The following CLEC12B variants were observed in gnomAD, a reference collection of about 807,000 sequenced individuals.
The protein encoded by CLEC12B is C-type lectin domain family 12 member B.
In CLEC12B, 25 loss-of-function variants were observed where a neutral mutation model predicts 36.1. That is an observed-to-expected ratio of 0.69 (90% CI 0.50 to 0.97). The LOEUF (loss-of-function observed/expected upper bound fraction) is 0.97. Among genes scored for constraint, CLEC12B ranks in the 50% least tolerant of loss-of-function variants. The pLI is 0.00. For synonymous variants in CLEC12B, 110 were observed against 108.5 expected (o/e 1.01, Z -0.09); for missense variants, 325 against 318.4 (o/e 1.02, Z -0.16).
chr12:10,017,900 T>C, intron 5 of CLEC12B: 1 of 965,934 alleles, frequency 1.0e-6, no homozygotes, highest in Non-Finnish European at 1.2e-6. Flanking sequence ...TGTATAACTA[T>C]GTGAAAAATT....
chr12:10,014,612 C>A lies in CLEC12B; in HGVS notation c.280C>A (p.Gln94Lys). ...CCAACAGCAGCAGGATAACTTATCCCAGCAACTGGGCAACTCCAACAACTT... is the reference window on the plus strand; with the variant it reads ...CCAACAGCAGCAGGATAACTTATCCAAGCAACTGGGCAACTCCAACAACTT... The part of the protein sequence containing the change: ...TIQQQQDNLS[Q>K]QLGNSNNLSM... Residue 94 changes from glutamine (Q) to lysine (K), a missense_variant, in exon 3 of 6, where the codon CAG (glutamine) becomes AAG (lysine). Physicochemically the swap from Gln to Lys is moderately conservative, Grantham distance 53 (BLOSUM62 1). Coordinates refer to ENST00000338896, the MANE Select transcript of CLEC12B (RefSeq NM_001129998.3). 1.2e-6 allele frequency: 2 copies of A among 1,613,782 alleles called. No individual in the cohort carries two copies.
In CLEC12B at chr12:10,010,789, C is replaced by A. The variant is rs757364464; in HGVS notation, c.30C>A (p.Leu10=). 7.5e-6 allele frequency: 12 copies of A among 1,610,472 alleles called. No individual in the cohort carries two copies. Among genetic ancestry groups the A allele is most frequent in the Admixed American group, 5.0e-5 (3 of 59,992 alleles). MSEEVTYAT[L]TFQDSAGARN... Reference sequence around the variant, plus strand: ...CTGAAGAAGTGACCTACGCGACACTCACATTTCAGGATTCTGCTGGAGCAA... The same window carrying A: ...CTGAAGAAGTGACCTACGCGACACTAACATTTCAGGATTCTGCTGGAGCAA... The change falls in exon 1 of 6, where the codon CTC becomes CTA. Residue 10 remains leucine, a synonymous_variant. Coordinates refer to ENST00000338896, the MANE Select transcript of CLEC12B (RefSeq NM_001129998.3).
intron 5 of CLEC12B, chr12:10,017,561 A>G (rs1305441537): frequency 1.6e-5 from 16 of 985,494 alleles, no homozygotes; most frequent in Non-Finnish European, 1.8e-5. Flanking sequence ...CAGACAAGCC[A>G]GCATGTCAAA....
chr12:10,006,887 CT>C (rs1310858941), upstream of CLEC12B, among the ~76,000 whole-genome samples: 1 of 151,908 alleles, frequency 6.6e-6, no homozygotes, highest in East Asian at 1.9e-4. Flanking sequence ...AACCCCGTCT[CT>C]ACTAAAAATA....
Position 10,015,653 on chromosome 12 carries a change from T to C in CLEC12B, c.606T>C (p.Phe202=), listed in dbSNP as rs1865467026. ...AGCCATTACTCATGTTTTCGTTCTT[T>C]TGGCTGGGATTATCATGGGACTCCT... ...MSQPLLMFSF[F]WLGLSWDSSG... The change falls in exon 5 of 6, where the codon TTT becomes TTC. Residue 202 remains phenylalanine (F), a synonymous_variant. Transcript: ENST00000338896. 1 of 1,613,662 alleles carries C rather than the reference T, an allele frequency of 6.2e-7. No individual in the cohort carries two copies. The highest frequency in any genetic ancestry group is 1.3e-5 in the African/African-American group (1 of 74,900).
chr12:10,006,457 G>GT (rs139343460), upstream of CLEC12B, among the ~76,000 whole-genome samples: 2,585 of 149,106 alleles, frequency 0.017, 30 homozygotes, highest in Middle Eastern at 0.031. Context: ...TCCAGGATAA[G>GT]TTTTTTGTTT....
upstream of CLEC12B, among the ~76,000 whole-genome samples, chr12:10,009,010 G>A (rs1380250706): frequency 6.6e-6 from 1 of 152,092 alleles, no homozygotes; most frequent in East Asian, 1.9e-4. Context: ...ACCGATCAGC[G>A]CTCTGTAAAA....
At position 10,014,608 on chromosome 12, in the gene CLEC12B, A is replaced by G. The variant is rs139130001; in HGVS notation, c.276A>G (p.Leu92=). The stretch of plus-strand genomic sequence containing the variant: ...CCATCCAACAGCAGCAGGATAACTT[A>G]TCCCAGCAACTGGGCAACTCCAACA... ...QKTIQQQQDN[L]SQQLGNSNNL... The change falls in exon 3 of 6, where the codon TTA becomes TTG. Residue 92 remains leucine (L), a synonymous_variant. Transcript: ENST00000338896. 7.4e-6 allele frequency: 12 copies of G among 1,613,758 alleles called. No individual in the cohort carries two copies. Among genetic ancestry groups the G allele is most frequent in the African/African-American group, 1.3e-5 (1 of 74,930 alleles).
intron 2 of CLEC12B, among the ~76,000 whole-genome samples, chr12:10,013,870 A>G (rs1308342834): frequency 1.3e-5 from 2 of 152,226 alleles, no homozygotes; most frequent in Non-Finnish European, 2.9e-5. Context: ...TTAGCAGCCG[A>G]TCTTCTACAA....
At chr12:10,011,502 G>A (rs1186733169) in intron 1 of CLEC12B, among the ~76,000 whole-genome samples, 1 of 152,010 alleles carries the variant, frequency 6.6e-6, no homozygotes, top group Non-Finnish European at 1.5e-5. Flanking sequence ...AAAAACTGAG[G>A]GTGAGAGAAA....
At chr12:10,010,269 G>T (rs1865296055), upstream of CLEC12B, among the ~76,000 whole-genome samples, 1 of 151,792 alleles carries the variant, frequency 6.6e-6, no homozygotes, top group Admixed American at 6.6e-5. Context: ...AGCCAGGTGT[G>T]TGGCACAGCT....
intron 2 of CLEC12B, 64 bp from the exon 3 acceptor site, chr12:10,014,459 G>C (rs566200429): frequency 8.7e-7 from 1 of 1,155,944 alleles, no homozygotes; most frequent in Non-Finnish European, 1.3e-6. Context: ...TTTCTGTCAC[G>C]AGAATTATCT....
intron 5 of CLEC12B, chr12:10,017,712 A>G: frequency 1.1e-6 from 1 of 920,000 alleles, no homozygotes; most frequent in Non-Finnish European, 1.3e-6. Context: ...TTAGAAAAAA[A>G]CAATGTTGGG....
intron 1 of CLEC12B, 49 bp from the exon 2 acceptor site, chr12:10,012,736 C>A: frequency 7.0e-7 from 1 of 1,425,018 alleles, no homozygotes; most frequent in Non-Finnish European, 9.8e-7. Context: ...CAAAGTGAAA[C>A]AAGCACAAAG....
intron 1 of CLEC12B, among the ~76,000 whole-genome samples, chr12:10,012,357 A>C (rs1349693511): frequency 3.3e-5 from 5 of 152,298 alleles, no homozygotes; most frequent in African/African-American, 1.2e-4. Context: ...AAAAGTGGGC[A>C]ATGATGTAAA....
upstream of CLEC12B, among the ~76,000 whole-genome samples, chr12:10,008,193 G>A (rs1865253182): frequency 6.6e-6 from 1 of 152,214 alleles, no homozygotes; most frequent in African/African-American, 2.4e-5. Context: ...TGGCTGTTAA[G>A]TACCTGAAGT....
At chr12:10,017,137 G>C in intron 5 of CLEC12B, 7 of 985,136 alleles carry the variant, frequency 7.1e-6, no homozygotes, top group Non-Finnish European at 8.4e-6. Context: ...CCAATGTTTT[G>C]TCATGGCTAT....
At position 10,017,504 on chromosome 12, in the gene CLEC12B, G is replaced by T. The variant is rs934605690; in HGVS notation, c.681-827G>T. On this transcript the variant is annotated intron_variant, in intron 5 of 5. Transcript: ENST00000338896. ...AAGTGTGGAGGAGGTGGCCCCCACA[G>T]CAGGGTTTGGAACCTACAGACCCTG... is the stretch of plus-strand genomic sequence containing the variant. 6.3e-5 allele frequency: 62 copies of T among 985,106 alleles called. No homozygotes were observed. In the African/African-American group the frequency reaches 1.1e-3, roughly 17 times the overall value. 61.0% of individuals were successfully genotyped at this position (985,106 alleles called of 1,614,324 possible).
Position 10,014,755 on chromosome 12 carries a change from G to C in CLEC12B, c.409+14G>C, listed in dbSNP as rs1565580175. On this transcript the variant is annotated intron_variant, in intron 3 of 5. Transcript: ENST00000338896. The stretch of plus-strand genomic sequence containing the variant: ...TTCATACTTCAGGTAATCAGACTTA[G>C]TCCTGCTGACCAGTCAGATGGCATA... 1.9e-6 allele frequency: 3 copies of C among 1,587,464 alleles called. No individual in the cohort carries two copies. The Admixed American group carries it at 5.0e-5, about 27-fold the overall frequency.
Sources: gnomAD v4.1 joint callset for allele counts (sites outside exome capture counted in the v4.1 genomes callset) on GRCh38, gnomAD v4.1.1 for gene constraint, MANE v1.5 for transcripts, NCBI Gene and HGNC (gene_info 2026-07-23, HGNC 2026-07-21) for gene names.